GULP1: variants seen among roughly 807,000 people sequenced by gnomAD.
GULP1 encodes the protein GULP PTB domain containing engulfment adaptor 1, also known as PTB domain-containing engulfment adapter protein 1.
GULP1 carries 19 observed loss-of-function variants against 40.9 expected under a neutral mutation model. The observed-to-expected ratio is 0.46, with a 90% confidence interval of 0.32 to 0.68. The LOEUF is 0.68. Among genes scored for constraint, GULP1 ranks in the 30% least tolerant of loss-of-function variants. The probability of loss-of-function intolerance (pLI) is 0.03; values close to 1 mark genes in which losing one functional copy is unlikely to be tolerated. For missense variants in GULP1, 312 were observed against 362.2 expected, an observed-to-expected ratio of 0.86 and a Z score of 1.12; for synonymous variants, 119 against 117.6, an observed-to-expected ratio of 1.01 and a Z score of -0.08.
intron 4 of GULP1, among the ~76,000 whole-genome samples, chr2:188,492,354 G>A (rs764369268): frequency 1.3e-5 from 2 of 151,988 alleles, no homozygotes; most frequent in Non-Finnish European, 2.9e-5. Context: ...ACTCTATCAG[G>A]CAGAAATAAC....
intron 2 of GULP1, among the ~76,000 whole-genome samples, chr2:188,419,880 G>T (rs1468836763): frequency 6.6e-6 from 1 of 152,104 alleles, no homozygotes; most frequent in Non-Finnish European, 1.5e-5. Flanking sequence ...TTTAGTGTAC[G>T]TTGTAAGATA....
intron 1 of GULP1, among the ~76,000 whole-genome samples, chr2:188,327,224 G>A (rs2040873175): frequency 6.6e-6 from 1 of 152,130 alleles, no homozygotes; most frequent in Admixed American, 6.6e-5. Context: ...TGCAATTGAT[G>A]AATGCCCTAG....
intron 9 of GULP1, among the ~76,000 whole-genome samples, chr2:188,571,893 G>C (rs1699130959): frequency 6.6e-6 from 1 of 152,186 alleles, no homozygotes; most frequent in African/African-American, 2.4e-5. Context: ...TGTTGACAAA[G>C]GAGTAAAATA....
intron 4 of GULP1, among the ~76,000 whole-genome samples, chr2:188,503,844 T>G (rs1165038802): frequency 6.6e-6 from 1 of 151,932 alleles, no homozygotes; most frequent in Non-Finnish European, 1.5e-5. Context: ...GCTACCATCT[T>G]TTTTATCTTG....
intron 2 of GULP1, among the ~76,000 whole-genome samples, chr2:188,440,473 A>G (rs1010290904): frequency 6.6e-6 from 1 of 152,180 alleles, no homozygotes; most frequent in Non-Finnish European, 1.5e-5. Context: ...TAGTATTTCA[A>G]CTTTGAAATA....
chr2:188,483,446 A>G lies in GULP1; in HGVS notation c.44A>G (p.His15Arg), dbSNP rs1367876483. 2 of 1,530,518 alleles carry G rather than the reference A, an allele frequency of 1.3e-6. No homozygotes were observed. Among genetic ancestry groups the G allele is most frequent in the African/African-American group, 1.4e-5 (1 of 73,448 alleles). The allele number at this position is 1,530,518 out of a possible 1,614,324, so 94.8% of individuals were successfully genotyped here. Residue 15 changes from histidine (H) to arginine (R), a missense_variant, in exon 4 of 12, where the codon CAT (histidine) becomes CGT (arginine). Physicochemically the swap from His to Arg is conservative, Grantham distance 29. Transcript: ENST00000409830. ...FSRKKDKTWM[H>R]TPEALSKHFI... Reference sequence around the variant, plus strand: ...TTTATTGCAGACAAAACATGGATGCATACACCTGAAGCTTTATCAAAACAT... The same window carrying G: ...TTTATTGCAGACAAAACATGGATGCGTACACCTGAAGCTTTATCAAAACAT...
intron 4 of GULP1, among the ~76,000 whole-genome samples, chr2:188,519,822 T>A (rs1008357038): frequency 3.3e-5 from 5 of 152,096 alleles, no homozygotes; most frequent in African/African-American, 4.8e-5. Flanking sequence ...TCTTTTTTTT[T>A]AAATTGAGAC....
intron 4 of GULP1, among the ~76,000 whole-genome samples, chr2:188,511,077 A>C (rs2064483931): frequency 6.6e-6 from 1 of 152,098 alleles, no homozygotes; most frequent in Non-Finnish European, 1.5e-5. Flanking sequence ...GAACACTGAG[A>C]TTTTCCCTAT....
At chr2:188,539,156 A>C (rs1007652393) in intron 6 of GULP1, among the ~76,000 whole-genome samples, 104 of 152,118 alleles carry the variant, frequency 6.8e-4, no homozygotes, top group Non-Finnish European at 1.9e-4. Context: ...AGAGTAAATG[A>C]GAGACTATGT....
At chr2:188,482,599 T>A (rs2061524489) in intron 3 of GULP1, among the ~76,000 whole-genome samples, 1 of 151,714 alleles carries the variant, frequency 6.6e-6, no homozygotes, top group Admixed American at 6.6e-5. Context: ...AATGTTAACA[T>A]TTTTTTCTCC....
Position 188,594,058 on chromosome 2 carries a change from A to G in GULP1, c.*47A>G, listed in dbSNP as rs781311717. ...ATTCATGTTAAATGTGTTTGTATAC[A>G]CATGTCATTTATTATTATTACTTTA... On this transcript the variant is annotated 3_prime_UTR_variant, in exon 12 of 12. Coordinates refer to ENST00000409830, the MANE Select transcript of GULP1 (RefSeq NM_016315.4). The G allele has an allele frequency of 5.3e-6, 5 of 940,858 alleles. No homozygotes were observed. The allele number at this position is 940,858 out of a possible 1,614,324, so 58.3% of individuals were successfully genotyped here. A position where few individuals can be genotyped will look rare whatever the true frequency, so the allele number is the denominator to read the frequency against.
At chr2:188,530,134 T>G (rs1687183455) in intron 6 of GULP1, among the ~76,000 whole-genome samples, 1 of 152,166 alleles carries the variant, frequency 6.6e-6, no homozygotes, top group African/African-American at 2.4e-5. Context: ...TCCAAATTAG[T>G]GTTCAGTTTA....
chr2:188,510,284 T>A, intron 4 of GULP1, among the ~76,000 whole-genome samples: 1 of 152,076 alleles, frequency 6.6e-6, no homozygotes. Context: ...GTAAGTTCCA[T>A]GAAAATTAAG....
At chr2:188,299,847 G>A (rs2035809389) in intron 1 of GULP1, among the ~76,000 whole-genome samples, 1 of 152,172 alleles carries the variant, frequency 6.6e-6, no homozygotes, top group Non-Finnish European at 1.5e-5. Context: ...AGTTGGGCAG[G>A]CATTGAAAAG....
In GULP1 at chr2:188,483,452, C is replaced by A; in HGVS notation, c.50C>A (p.Pro17His). Residue 17 changes from proline to histidine, a missense_variant, in exon 4 of 12, where the codon CCT becomes CAT. Transcript: ENST00000409830. ...GCAGACAAAACATGGATGCATACAC[C>A]TGAAGCTTTATCAAAACATTTCATT... ...RKKDKTWMHT[P>H]EALSKHFIPY... 1 of 1,531,196 alleles carries A rather than the reference C, an allele frequency of 6.5e-7. No homozygotes were observed. The highest frequency in any genetic ancestry group is 9.0e-7 in the Non-Finnish European group (1 of 1,112,768). 94.9% of individuals were successfully genotyped at this position (1,531,196 alleles called of 1,614,324 possible).
chr2:188,546,201 C>G (rs1009735072), intron 7 of GULP1, among the ~76,000 whole-genome samples: 1 of 151,928 alleles, frequency 6.6e-6, no homozygotes, highest in Admixed American at 6.6e-5. Flanking sequence ...TATAGAATTA[C>G]TCAACATCAT....
intron 2 of GULP1, among the ~76,000 whole-genome samples, chr2:188,414,473 C>T (rs748412648): frequency 2.0e-5 from 3 of 152,088 alleles, no homozygotes; most frequent in Non-Finnish European, 2.9e-5. Context: ...TAAATCATAA[C>T]ACTTCAGTAA....
At chr2:188,560,274 A>G (rs1230721823) in intron 7 of GULP1, among the ~76,000 whole-genome samples, 5 of 152,204 alleles carry the variant, frequency 3.3e-5, no homozygotes, top group African/African-American at 1.2e-4. Context: ...TCTCAAGTTC[A>G]AAGTTCCACC....
intron 2 of GULP1, among the ~76,000 whole-genome samples, chr2:188,397,646 C>A (rs1412182034): frequency 1.3e-5 from 2 of 152,148 alleles, no homozygotes; most frequent in Non-Finnish European, 2.9e-5. Flanking sequence ...TCTCACAGTT[C>A]CTGTGGACCA....
Sources: gnomAD v4.1 joint callset for allele counts (sites outside exome capture counted in the v4.1 genomes callset) on GRCh38, gnomAD v4.1.1 for gene constraint, MANE v1.5 for transcripts, NCBI Gene and HGNC (gene_info 2026-07-23, HGNC 2026-07-21) for gene names.